The following DCC variants were observed in gnomAD, a reference collection of about 807,000 sequenced individuals.
The protein encoded by DCC is netrin receptor DCC.
Under a neutral mutation model 172.5 loss-of-function variants are expected in DCC, and 58 were observed. That is an observed-to-expected ratio of 0.34 (90% CI 0.27 to 0.42). The LOEUF (loss-of-function observed/expected upper bound fraction) is 0.42, where lower values mean the gene tolerates loss of function less well. DCC is among the 10% of genes least tolerant of loss of function. The pLI is 1.00. For missense variants in DCC, 1,740 were observed against 1,791.0 expected (o/e 0.97, Z 0.51); for synonymous variants, 709 against 644.5 (o/e 1.10, Z -1.52).
chr18:53,174,558 ATAAAC>A (rs1007887721), intron 8 of DCC, among the ~76,000 whole-genome samples: 1 of 151,224 alleles, frequency 6.6e-6, no homozygotes, highest in African/African-American at 2.4e-5. Flanking sequence ...CTCTACACAA[ATAAAC>A]TAGAAAATCT....
intron 5 of DCC, among the ~76,000 whole-genome samples, chr18:52,942,058 C>T (rs1416554097): frequency 1.3e-5 from 2 of 152,190 alleles, no homozygotes; most frequent in East Asian, 3.8e-4. Context: ...GCTGGGATTA[C>T]AAGTGTGAGC....
chr18:53,310,431 A>AT (rs969134119), intron 13 of DCC, among the ~76,000 whole-genome samples: 30 of 149,294 alleles, frequency 2.0e-4, no homozygotes, highest in Admixed American at 6.0e-4. Flanking sequence ...AGATACTCAA[A>AT]TTTTTTTTTA....
At chr18:52,827,616 G>A (rs1013786798) in intron 2 of DCC, among the ~76,000 whole-genome samples, 1 of 152,118 alleles carries the variant, frequency 6.6e-6, no homozygotes, top group African/African-American at 2.4e-5. Context: ...TCTATCAATT[G>A]GTATTCTGTT....
At position 53,226,948 on chromosome 18, in the gene DCC, A is replaced by ATATATTTTTT; in HGVS notation, c.1911+11352_1911+11353insATATTTTTTT. 5.5e-4 allele frequency among the ~76,000 whole-genome samples: 29 copies of ATATATTTTTT among 52,952 alleles called. 1 individual carries two copies. The highest frequency in any genetic ancestry group is 2.5e-3 in the African/African-American group (27 of 10,616). The allele number at this position is 52,952 out of a possible 152,430, so 34.7% of individuals were successfully genotyped here. On this transcript the variant is annotated intron_variant, in intron 12 of 28. Transcript: ENST00000442544. ...TGTGTGTGTGTGTATATATATATAT[A>ATATATTTTTT]TTTTTTTTTTTTTTTTTTTGAGGCA...
Position 53,534,495 on chromosome 18 carries a change from G to GT in DCC, c.*3847dup, listed in dbSNP as rs1303090302. The GT allele has an allele frequency of 6.6e-6, 1 of 152,146 alleles. No individual in the cohort carries two copies. The highest frequency in any genetic ancestry group is 1.5e-5 in the Non-Finnish European group (1 of 68,030). 9.4% of individuals were successfully genotyped at this position (152,146 alleles called of 1,614,324 possible). On this transcript the variant is annotated 3_prime_UTR_variant, in exon 29 of 29. Transcript: ENST00000442544. ...GAAGCAGCCATACACTCAAGTCTCTGTTTTTGTAAATCACATTCAAAGCAA... is the reference window on the plus strand; with the variant it reads ...GAAGCAGCCATACACTCAAGTCTCTGTTTTTTGTAAATCACATTCAAAGCAA...
chr18:53,488,135 T>C (rs534191007), intron 26 of DCC, among the ~76,000 whole-genome samples: 29 of 152,348 alleles, frequency 1.9e-4, no homozygotes, highest in South Asian at 6.2e-4. Context: ...AAAGAATGTG[T>C]AGACTTTCAG....
At chr18:53,157,947 C>G (rs1026920880) in intron 8 of DCC, among the ~76,000 whole-genome samples, 4 of 151,982 alleles carry the variant, frequency 2.6e-5, no homozygotes, top group African/African-American at 4.8e-5. Context: ...TTAATAATAC[C>G]TACCTTAAAA....
intron 5 of DCC, among the ~76,000 whole-genome samples, chr18:52,966,110 C>G (rs1376610181): frequency 6.6e-6 from 1 of 152,098 alleles, no homozygotes; most frequent in Non-Finnish European, 1.5e-5. Flanking sequence ...ATCCATAGAT[C>G]ATTTCCCATA....
At chr18:52,393,222 T>C (rs1044241908) in intron 1 of DCC, among the ~76,000 whole-genome samples, 3 of 152,102 alleles carry the variant, frequency 2.0e-5, no homozygotes, top group Admixed American at 1.3e-4. Flanking sequence ...GACATGCCCA[T>C]TCATAACAGA....
intron 1 of DCC, among the ~76,000 whole-genome samples, chr18:52,664,557 G>A (rs185070706): frequency 8.3e-4 from 106 of 128,246 alleles, no homozygotes; most frequent in African/African-American, 2.9e-3. Context: ...TGCAAACTCC[G>A]CCTCCTGGGT....
At chr18:53,484,862 A>G (rs902649090) in intron 25 of DCC, among the ~76,000 whole-genome samples, 6 of 152,050 alleles carry the variant, frequency 3.9e-5, no homozygotes, top group African/African-American at 9.7e-5. Flanking sequence ...TTAAATCTGC[A>G]TATTGCTTTG....
intron 1 of DCC, among the ~76,000 whole-genome samples, chr18:52,404,036 A>G (rs961139965): frequency 8.9e-4 from 136 of 152,184 alleles, no homozygotes; most frequent in African/African-American, 3.1e-3. Flanking sequence ...ACAAAAGTAT[A>G]TTCCAACAGG....
At chr18:53,261,189 C>T (rs1315217618) in intron 12 of DCC, among the ~76,000 whole-genome samples, 1 of 152,150 alleles carries the variant, frequency 6.6e-6, no homozygotes, top group Non-Finnish European at 1.5e-5. Context: ...GGCTCACATT[C>T]AGTGTGCTGC....
intron 1 of DCC, among the ~76,000 whole-genome samples, chr18:52,476,030 C>T (rs1009792242): frequency 1.3e-5 from 2 of 152,152 alleles, no homozygotes; most frequent in African/African-American, 2.4e-5. Context: ...CATCTTCAAA[C>T]ATTTGAATCC....
chr18:52,889,015 A>T (rs1485867513), intron 2 of DCC, among the ~76,000 whole-genome samples: 2 of 152,100 alleles, frequency 1.3e-5, no homozygotes, highest in African/African-American at 4.8e-5. Flanking sequence ...AATATAACCA[A>T]TTTAATTGGC....
intron 20 of DCC, among the ~76,000 whole-genome samples, 195 bp from the exon 21 acceptor site, chr18:53,415,929 T>A (rs1009368880): frequency 6.6e-6 from 1 of 152,146 alleles, no homozygotes; most frequent in African/African-American, 2.4e-5. Flanking sequence ...AGCAAAAACA[T>A]TATTTTCAAT....
At chr18:53,458,771 T>A (rs2045513577) in intron 23 of DCC, among the ~76,000 whole-genome samples, 1 of 152,232 alleles carries the variant, frequency 6.6e-6, no homozygotes, top group Non-Finnish European at 1.5e-5. Context: ...ATTATACAGC[T>A]GAGGTATAGA....
At chr18:52,555,166 A>G (rs1314637335) in intron 1 of DCC, among the ~76,000 whole-genome samples, 1 of 152,080 alleles carries the variant, frequency 6.6e-6, no homozygotes, top group African/African-American at 2.4e-5. Context: ...TGAGTCTGTC[A>G]TAATAGGTTT....
intron 5 of DCC, among the ~76,000 whole-genome samples, chr18:52,988,050 T>C (rs1356531303): frequency 6.6e-6 from 1 of 152,244 alleles, no homozygotes; most frequent in African/African-American, 2.4e-5. Context: ...GGTTGGTTAA[T>C]GAATATTGTG....
Sources: gnomAD v4.1 joint callset for allele counts (sites outside exome capture counted in the v4.1 genomes callset) on GRCh38, gnomAD v4.1.1 for gene constraint, MANE v1.5 for transcripts, NCBI Gene and HGNC (gene_info 2026-07-23, HGNC 2026-07-21) for gene names.